Variants in MAPT observed in about 807,000 individuals in gnomAD.
The protein encoded by MAPT is microtubule-associated protein tau.
In MAPT, 34 loss-of-function variants were observed where a neutral mutation model predicts 67.9. That is an observed-to-expected ratio of 0.50 (90% CI 0.38 to 0.67). The LOEUF is 0.67. MAPT is among the 30% of genes least tolerant of loss of function. The probability of loss-of-function intolerance (pLI) is 0.00; values close to 1 mark genes in which losing one functional copy is unlikely to be tolerated. For synonymous variants in MAPT, 456 were observed against 464.5 expected (o/e 0.98, Z 0.23); for missense variants, 881 against 1,115.2 (o/e 0.79, Z 2.99).
chr17:45,947,536 C>T (rs1167317146), intron 1 of MAPT, among the ~76,000 whole-genome samples: 2 of 151,720 alleles, frequency 1.3e-5, no homozygotes, highest in Non-Finnish European at 2.9e-5. Context: ...TACAGGTGCC[C>T]ACCACCACAC....
In MAPT at chr17:45,899,814, C is replaced by G. The variant is rs538580591; in HGVS notation, c.-18+5128C>G. Among the ~76,000 whole-genome samples the G allele has an allele frequency of 5.3e-5, 8 of 152,298 alleles. No individual in the cohort carries two copies. In the East Asian group the frequency reaches 1.5e-3, roughly 29 times the overall value. ...AGGCATTTCACTCTACATTGGTGCTCTGTTTATAAAACAAAGAGCAAATAT... is the reference window on the plus strand; with the variant it reads ...AGGCATTTCACTCTACATTGGTGCTGTGTTTATAAAACAAAGAGCAAATAT... On this transcript the variant is annotated intron_variant, in intron 1 of 12. Coordinates refer to ENST00000262410, the MANE Select transcript of MAPT (RefSeq NM_001377265.1).
chr17:45,975,899 C>G (rs996190460), intron 3 of MAPT: 2 of 151,298 alleles, frequency 1.3e-5, no homozygotes, highest in Admixed American at 6.6e-5. Flanking sequence ...CAAGGAGACT[C>G]TCTCTCTCTC....
chr17:46,022,734 T>C (rs748467552), intron 12 of MAPT, among the ~76,000 whole-genome samples: 17 of 152,168 alleles, frequency 1.1e-4, no homozygotes, highest in Non-Finnish European at 2.5e-4. Context: ...CTGGTATCCT[T>C]TGGGACTCCT....
rs2067646409 is a variant in MAPT at position 45,939,255 on chromosome 17, GC to G, written c.-17-23064del. ...ATTACAGCATGAGCCACTGCACTCG[GC>G]CTTAAGAGAAGATTTAATAATTAAT... On this transcript the variant is annotated intron_variant, in intron 1 of 12. Coordinates refer to ENST00000262410, the MANE Select transcript of MAPT (RefSeq NM_001377265.1). 3.3e-5 allele frequency among the ~76,000 whole-genome samples: 5 copies of G among 152,236 alleles called. No homozygotes were observed. In the South Asian group the frequency reaches 1.0e-3, roughly 32 times the overall value.
At chr17:45,928,707 G>C (rs2066579688) in intron 1 of MAPT, among the ~76,000 whole-genome samples, 1 of 152,178 alleles carries the variant, frequency 6.6e-6, no homozygotes, top group African/African-American at 2.4e-5. Flanking sequence ...TTGTTTGTTT[G>C]TTTTTTGAGA....
At chr17:45,974,458 A>C in intron 3 of MAPT, 1 of 1,605,570 alleles carries the variant, frequency 6.2e-7, no homozygotes, top group Non-Finnish European at 8.5e-7. Flanking sequence ...CGGAGATCCC[A>C]GAAGGAACCA....
At chr17:45,979,993 A>C (rs941542410) in intron 4 of MAPT, 24 of 152,210 alleles carry the variant, frequency 1.6e-4, no homozygotes, top group African/African-American at 5.3e-4. Context: ...CAGTCTGTTG[A>C]GAGTAAGCTA....
intron 8 of MAPT, among the ~76,000 whole-genome samples, chr17:45,993,290 G>C (rs991056245): frequency 1.3e-5 from 2 of 152,170 alleles, no homozygotes; most frequent in Admixed American, 1.3e-4. Context: ...TTCTGGCCTG[G>C]TGTTTTTCTC....
At chr17:45,988,064 G>A (rs1357831988) in intron 6 of MAPT, among the ~76,000 whole-genome samples, 1 of 152,200 alleles carries the variant, frequency 6.6e-6, no homozygotes, top group Non-Finnish European at 1.5e-5. Flanking sequence ...GCTGGGGAGT[G>A]CTGCTGGTGG....
chr17:45,911,696 T>A (rs1331207799), intron 1 of MAPT, among the ~76,000 whole-genome samples: 1 of 152,052 alleles, frequency 6.6e-6, no homozygotes, highest in Non-Finnish European at 1.5e-5. Context: ...CCCAGGAAAT[T>A]GAGGCTGCAG....
intron 1 of MAPT, among the ~76,000 whole-genome samples, chr17:45,941,705 G>GCCAT (rs2067975180): frequency 7.8e-5 from 2 of 25,576 alleles, no homozygotes; most frequent in Non-Finnish European, 1.8e-4. Context: ...CTTCCTGCCT[G>GCCAT]CCTTCCTTCC....
At chr17:45,918,937 C>T (rs1471443913) in intron 1 of MAPT, among the ~76,000 whole-genome samples, 1 of 151,936 alleles carries the variant, frequency 6.6e-6, no homozygotes, top group Non-Finnish European at 1.5e-5. Flanking sequence ...TGGTGTGCGC[C>T]TGGAATCCCA....
At chr17:45,963,457 C>T (rs55711941) in intron 2 of MAPT, among the ~76,000 whole-genome samples, 21,822 of 152,080 alleles carry the variant, frequency 0.14, 2,127 homozygotes, top group Non-Finnish European at 0.22. Flanking sequence ...GCTGTCTCCG[C>T]GCTGGGTTGT....
intron 12 of MAPT, 36 bp from the exon 13 acceptor site, chr17:46,023,919 AC>A (rs2076684595): frequency 6.4e-7 from 1 of 1,574,426 alleles, no homozygotes; most frequent in African/African-American, 1.3e-5. Flanking sequence ...TTTCTCTGGC[AC>A]TTCATCTCAC....
chr17:45,971,117 G>T lies in MAPT; in HGVS notation c.134-742G>T, dbSNP rs1269919569. 6.7e-6 allele frequency among the ~76,000 whole-genome samples: 1 copy of T among 150,142 alleles called. No individual in the cohort carries two copies. The highest frequency in any genetic ancestry group is 1.5e-5 in the Non-Finnish European group (1 of 66,698). ...AGTGCCACAGGGAAGGGACAATTCA[G>T]CCCTTCTAGGAGGAGGAGGAGGTAG... On this transcript the variant is annotated intron_variant, in intron 2 of 12. Coordinates refer to ENST00000262410, the MANE Select transcript of MAPT (RefSeq NM_001377265.1). This position sits in a 1 kb window ranked among gnomAD's most constrained non-coding sequence, Gnocchi z 4.3.
At chr17:45,992,843 A>G (rs2074172687) in intron 8 of MAPT, among the ~76,000 whole-genome samples, 1 of 150,170 alleles carries the variant, frequency 6.7e-6, no homozygotes, top group South Asian at 2.1e-4. Context: ...GTGAGCTGAG[A>G]TCGCACCATT....
chr17:45,930,407 CAAA>C (rs67120979), intron 1 of MAPT, among the ~76,000 whole-genome samples: 10 of 81,994 alleles, frequency 1.2e-4, no homozygotes, highest in Admixed American at 2.4e-4. Flanking sequence ...ATTCTGTCTC[CAAA>C]AAAAAAAAAA....
Position 45,962,453 on chromosome 17 carries a change from C to T in MAPT, c.116C>T (p.Thr39Met), listed in dbSNP as rs372017279. 1.7e-5 allele frequency: 27 copies of T among 1,612,566 alleles called. No individual in the cohort carries two copies. Among genetic ancestry groups the T allele is most frequent in the East Asian group, 8.9e-5 (4 of 44,888 alleles). The change falls in exon 2 of 13, where the codon ACG (threonine) becomes ATG (methionine). Residue 39 changes from threonine (T) to methionine (M), a missense_variant. This residue lies in a region of MAPT where 687 missense variants were observed against 766.1 expected (regional missense o/e 0.90). Transcript: ENST00000262410. ...ATGCACCAAGACCAAGAGGGTGACA[C>T]GGACGCTGGCCTGAAAGGTTAGTGG... ...YTMHQDQEGD[T>M]DAGLKESPLQ...
At chr17:45,982,735 T>C (rs2073097617) in intron 4 of MAPT, 131 bp from the exon 5 acceptor site, 1 of 278,402 alleles carries the variant, frequency 3.6e-6, no homozygotes, top group Admixed American at 5.6e-5. Context: ...AGCCCAGAGC[T>C]GTGCTCCCAT....
Sources: gnomAD v4.1 joint callset for allele counts (sites outside exome capture counted in the v4.1 genomes callset) on GRCh38, gnomAD v4.1.1 for gene constraint, gnomAD v4.1.1 regional missense constraint, Gnocchi (gnomAD v3.1) non-coding constraint, MANE v1.5 for transcripts, NCBI Gene and HGNC (gene_info 2026-07-23, HGNC 2026-07-21) for gene names.